The following SNX25 variants were observed in gnomAD, a reference collection of about 807,000 sequenced individuals.
SNX25 encodes the protein sorting nexin 25.
SNX25 carries 62 observed loss-of-function variants against 113.7 expected under a neutral mutation model. The observed-to-expected ratio is 0.55, with a 90% CI of 0.44 to 0.67. The LOEUF (loss-of-function observed/expected upper bound fraction) is 0.67, where lower values mean the gene tolerates loss of function less well. SNX25 is among the 30% of genes least tolerant of loss of function. SNX25 has a pLI of 0.00. For missense variants in SNX25, 1,014 were observed against 1,161.0 expected (o/e 0.87, Z 1.84); for synonymous variants, 421 against 436.2 (o/e 0.97, Z 0.43).
chr4:185,365,709 A>AATG (rs2095385742), downstream of SNX25: 1 of 150,438 alleles, frequency 6.6e-6, no homozygotes, highest in Admixed American at 6.6e-5. Context: ...TAATAATAAT[A>AATG]ATAATAATCT....
chr4:185,256,425 A>G (rs1746437039), intron 2 of SNX25, among the ~76,000 whole-genome samples: 1 of 152,168 alleles, frequency 6.6e-6, no homozygotes, highest in African/African-American at 2.4e-5. Context: ...GAAATGTGAA[A>G]AAACATTGAA....
intron 1 of SNX25, among the ~76,000 whole-genome samples, chr4:185,237,762 GA>G (rs1282670813): frequency 2.6e-4 from 38 of 145,760 alleles, no homozygotes; most frequent in South Asian, 6.6e-4. Flanking sequence ...GTTGTTGTTG[GA>G]AAAAAAAAAA....
intron 16 of SNX25, among the ~76,000 whole-genome samples, chr4:185,361,224 C>T (rs1024676396): frequency 5.9e-5 from 9 of 152,170 alleles, no homozygotes; most frequent in African/African-American, 1.7e-4. Flanking sequence ...GCTCCTCCTG[C>T]GGAACTTCAG....
chr4:185,343,447 A>G (rs1336889748), intron 12 of SNX25, among the ~76,000 whole-genome samples: 6 of 152,212 alleles, frequency 3.9e-5, no homozygotes, highest in Non-Finnish European at 8.8e-5. Flanking sequence ...ATGGATTGCA[A>G]TGTAGCATGC....
At chr4:185,258,079 A>G (rs972909362) in intron 2 of SNX25, among the ~76,000 whole-genome samples, 4 of 152,252 alleles carry the variant, frequency 2.6e-5, no homozygotes, top group African/African-American at 9.6e-5. Context: ...ACTGAGGCAG[A>G]GGACCTTAGG....
intron 11 of SNX25, 74 bp from the exon 12 acceptor site, chr4:185,341,902 G>T: frequency 6.8e-7 from 1 of 1,480,856 alleles, no homozygotes; most frequent in Non-Finnish European, 9.0e-7. Flanking sequence ...TCCTTAGGGG[G>T]ACACTTACAG....
At chr4:185,347,564 G>A (rs546102158) in intron 13 of SNX25, among the ~76,000 whole-genome samples, 3 of 152,060 alleles carry the variant, frequency 2.0e-5, no homozygotes, top group African/African-American at 7.2e-5. Context: ...TCTGCCTCCC[G>A]GGTTCAAGTG....
At chr4:185,376,346 C>A in the SNX25 span, among the ~76,000 whole-genome samples, 1 of 152,036 alleles carries the variant, frequency 6.6e-6, no homozygotes, top group African/African-American at 2.4e-5. Context: ...GGCACGATCT[C>A]AGCTCACTGC....
chr4:185,366,259 T>C (rs992626979), downstream of SNX25: 1 of 152,236 alleles, frequency 6.6e-6, no homozygotes, highest in African/African-American at 2.4e-5. Flanking sequence ...ATTTTAACAA[T>C]ATTTAATTGT....
At chr4:185,259,340 G>A (rs1746909469) in intron 3 of SNX25, among the ~76,000 whole-genome samples, 1 of 152,024 alleles carries the variant, frequency 6.6e-6, no homozygotes, top group African/African-American at 2.4e-5. Flanking sequence ...AGTATTATGA[G>A]TACTAGAAAT....
chr4:185,358,800 C>T (rs527981726), intron 16 of SNX25, among the ~76,000 whole-genome samples: 9 of 152,100 alleles, frequency 5.9e-5, no homozygotes, highest in African/African-American at 1.4e-4. Context: ...TATGAGTCAA[C>T]GTCTAGAAAT....
At chr4:185,292,882 T>C (rs1342927696) in intron 6 of SNX25, among the ~76,000 whole-genome samples, 1 of 152,094 alleles carries the variant, frequency 6.6e-6, no homozygotes, top group Non-Finnish European at 1.5e-5. Context: ...ACCACTGTAC[T>C]CCAGCCTGGG....
Position 185,341,996 on chromosome 4 carries a change from GC to G in SNX25, c.2068del (p.Gln690AsnfsTer9). On this transcript the variant is annotated frameshift_variant, in exon 12 of 19. Coordinates refer to ENST00000652585, the MANE Select transcript of SNX25 (RefSeq NM_001378034.2). LOFTEE classifies it high-confidence loss of function. ...CCAAGGTTACAGAAGAGAATGGTGA[GC>G]AATTGCCATGTTACTTTGTCATGGT... Reference protein sequence around the residue: ...SGEVTEENGEQLPCYFVMVSL... With the variant: ...SGEVTEENGEXLPCYFVMVSL... The G allele has an allele frequency of 6.2e-7, 1 of 1,603,956 alleles. No homozygotes were observed. The highest frequency in any genetic ancestry group is 8.5e-7 in the Non-Finnish European group (1 of 1,176,608).
intron 9 of SNX25, among the ~76,000 whole-genome samples, chr4:185,326,553 T>G (rs977907146): frequency 5.9e-5 from 9 of 152,206 alleles, no homozygotes; most frequent in South Asian, 2.1e-4. Context: ...ACATAACAAT[T>G]ATAATTACTA....
At chr4:185,271,359 A>G (rs906455507) in intron 5 of SNX25, among the ~76,000 whole-genome samples, 2 of 151,984 alleles carry the variant, frequency 1.3e-5, no homozygotes, top group Non-Finnish European at 1.5e-5. Flanking sequence ...GCTCACTGCA[A>G]CCTCTGCCTC....
At chr4:185,369,405 A>G (rs1437149795) in intron 11 of SNX25, among the ~76,000 whole-genome samples, 2 of 151,672 alleles carry the variant, frequency 1.3e-5, no homozygotes, top group Admixed American at 6.6e-5. Context: ...CAGTAGAGAC[A>G]GGATTATTTA....
chr4:185,352,173 G>A (rs1225693617), intron 14 of SNX25, among the ~76,000 whole-genome samples: 2 of 152,126 alleles, frequency 1.3e-5, no homozygotes, highest in Non-Finnish European at 2.9e-5. Flanking sequence ...CAGAGCTTTC[G>A]ATCTCATCTT....
chr4:185,295,738 C>T (rs1752752660), intron 6 of SNX25: 1 of 152,180 alleles, frequency 6.6e-6, no homozygotes, highest in African/African-American at 2.4e-5. Flanking sequence ...TGAGCCACCA[C>T]ACCTGGCCTG....
intron 1 of SNX25, among the ~76,000 whole-genome samples, chr4:185,223,248 A>G (rs1324093358): frequency 1.3e-5 from 2 of 152,208 alleles, no homozygotes; most frequent in East Asian, 1.9e-4. Context: ...ATTAGTGAAC[A>G]TAATAGTTTA....
Sources: gnomAD v4.1 joint callset for allele counts (sites outside exome capture counted in the v4.1 genomes callset) on GRCh38, gnomAD v4.1.1 for gene constraint, MANE v1.5 for transcripts, NCBI Gene and HGNC (gene_info 2026-07-23, HGNC 2026-07-21) for gene names.